Variants in THBS3 observed in about 807,000 individuals in gnomAD.
The protein encoded by THBS3 is thrombospondin-3.
In THBS3, 78 loss-of-function variants were observed where a neutral mutation model predicts 118.3. That is an observed-to-expected ratio of 0.66 (90% confidence interval 0.55 to 0.80). THBS3 has a LOEUF of 0.80. Ranked by LOEUF, THBS3 falls within the 30% of genes least tolerant of loss-of-function variation. THBS3 has a pLI of 0.00. For missense variants in THBS3, 1,057 were observed against 1,247.4 expected (o/e 0.85, Z 2.30); for synonymous variants, 427 against 475.3 (o/e 0.90, Z 1.32).
chr1:155,205,496 G>T (rs1441221473), intron 2 of THBS3, 180 bp from the exon 3 acceptor site: 2 of 871,320 alleles, frequency 2.3e-6, no homozygotes, highest in Non-Finnish European at 1.7e-6. Flanking sequence ...TTGCTTTAGA[G>T]GCCAGGCACG....
At position 155,202,954 on chromosome 1, in the gene THBS3, T is replaced by C. The variant is rs767252490; in HGVS notation, c.815A>G (p.His272Arg). The C allele has an allele frequency of 6.2e-7, 1 of 1,613,822 alleles. No homozygotes were observed. The highest frequency in any genetic ancestry group is 1.3e-5 in the African/African-American group (1 of 74,922). Reference protein sequence around the residue: ...TIMECQVCGFHEQRSHCSPNP... With the variant: ...TIMECQVCGFREQRSHCSPNP... Reference sequence around the variant, plus strand: ...GGGGCTGCAGTGGGAACGCTGCTCATGGAAGCCTGAGGGGTGGACACAGTC... The same window carrying C: ...GGGGCTGCAGTGGGAACGCTGCTCACGGAAGCCTGAGGGGTGGACACAGTC... The change falls in exon 8 of 23, where the codon CAT becomes CGT. Residue 272 changes from histidine (H) to arginine (R), a missense_variant. His to Arg is a conservative substitution (Grantham distance 29). Around this residue, in one of 3 missense-constraint regions of THBS3, gnomAD observed 544 missense variants for 715.6 expected, o/e 0.76. Coordinates refer to ENST00000368378, the MANE Select transcript of THBS3 (RefSeq NM_007112.5). The surrounding 1 kb of genome is among the most constrained non-coding windows in gnomAD (Gnocchi z 5.5).
At chr1:155,196,604 T>G (rs1668717668) in intron 21 of THBS3, among the ~76,000 whole-genome samples, 1 of 152,206 alleles carries the variant, frequency 6.6e-6, no homozygotes, top group African/African-American at 2.4e-5. Context: ...GGGCTACTTG[T>G]TGGAGAGAAA....
intron 16 of THBS3, chr1:155,198,880 G>C (rs998751273): frequency 2.8e-6 from 1 of 356,490 alleles, no homozygotes; most frequent in Non-Finnish European, 5.0e-6. Context: ...AGTACTTTGG[G>C]AGGCCAAGGC....
chr1:155,206,208 A>C lies in THBS3; in HGVS notation c.278T>G (p.Ile93Ser), dbSNP rs756609527. Residue 93 changes from isoleucine (I) to serine (S), a missense_variant, in exon 2 of 23, where the codon ATC (isoleucine) becomes AGC (serine). This residue lies in a region of THBS3 where 206 missense variants were observed against 205.7 expected (regional missense o/e 1.00). Coordinates refer to ENST00000368378, the MANE Select transcript of THBS3 (RefSeq NM_007112.5). This position sits in a 1 kb window ranked among gnomAD's most constrained non-coding sequence, Gnocchi z 4.2. ...AGATGCCCACCAGTCACCTTTGTTG[A>C]TCTTGCCTACAACAGAGGCCTCCAG... Reference protein sequence around the residue: ...RWLEASVVGKINKVLVRYQRE... With the variant: ...RWLEASVVGKSNKVLVRYQRE... The C allele has an allele frequency of 6.2e-7, 1 of 1,613,910 alleles. No homozygotes were observed. Among genetic ancestry groups the C allele is most frequent in the Non-Finnish European group, 8.5e-7 (1 of 1,179,972 alleles).
chr1:155,203,163 C>T (rs1670044234), intron 6 of THBS3, 26 bp from the exon 7 acceptor site: 1 of 1,614,204 alleles, frequency 6.2e-7, no homozygotes, highest in Non-Finnish European at 8.5e-7. Flanking sequence ...GAGGAGTCAG[C>T]ACTTGACATC....
At chr1:155,196,838 C>A (rs1668748298) in intron 21 of THBS3, 8 of 592,576 alleles carry the variant, frequency 1.4e-5, no homozygotes, top group Middle Eastern at 4.5e-4. Flanking sequence ...AACCCAATGC[C>A]CTCATTTTAC....
chr1:155,201,621 C>G (rs778792909), intron 10 of THBS3, 52 bp from the exon 11 acceptor site: 1 of 1,578,900 alleles, frequency 6.3e-7, no homozygotes, highest in Non-Finnish European at 8.6e-7. Context: ...CACCAGGCAC[C>G]CAGGACCAGC....
chr1:155,197,012 C>T lies in THBS3; in HGVS notation c.2672+29G>A. The stretch of plus-strand genomic sequence containing the variant: ...AGGAAGGACAGGCCCGGCCTGAGTC[C>T]CACAGGTGGGCTCAGCCCCTCTCCT... On this transcript the variant is annotated intron_variant, in intron 21 of 22. Coordinates refer to ENST00000368378, the MANE Select transcript of THBS3 (RefSeq NM_007112.5). This position sits in a 1 kb window ranked among gnomAD's most constrained non-coding sequence, Gnocchi z 5.0. 1 of 1,604,626 alleles carries T rather than the reference C, an allele frequency of 6.2e-7. No homozygotes were observed. The highest frequency in any genetic ancestry group is 1.3e-5 in the African/African-American group (1 of 74,904).
chr1:155,209,050 C>T (rs1339886328), upstream of THBS3: 1 of 1,542,192 alleles, frequency 6.5e-7, no homozygotes, highest in South Asian at 1.2e-5. Flanking sequence ...TCTGGATGGG[C>T]CGGCGGCCGC....
rs1292458838 is a variant in THBS3, at chr1:155,199,765, A to G, written c.1880+39T>C. The G allele has an allele frequency of 4.3e-6, 7 of 1,612,574 alleles. No homozygotes were observed. The Admixed American group carries it at 5.0e-5, about 12-fold the overall frequency. On this transcript the variant is annotated intron_variant, in intron 16 of 22. Coordinates refer to ENST00000368378, the MANE Select transcript of THBS3 (RefSeq NM_007112.5). Reference sequence around the variant, plus strand: ...GCAAGACTCCGTCTCAGAAAGACAAAAAAAAGAAAGACCTTGCGTCTCTTG... The same window carrying G: ...GCAAGACTCCGTCTCAGAAAGACAAGAAAAAGAAAGACCTTGCGTCTCTTG...
intron 1 of THBS3, 110 bp downstream of exon 1, chr1:155,207,687 CA>C (rs1670756688): frequency 1.7e-6 from 2 of 1,179,762 alleles, no homozygotes; most frequent in African/African-American, 3.0e-5. Flanking sequence ...TCCTCTGGCT[CA>C]ATTTCTGGAC....
chr1:155,202,860 G>A lies in THBS3; in HGVS notation c.909C>T (p.Cys303=), dbSNP rs1472379673. The A allele has an allele frequency of 6.2e-6, 10 of 1,613,692 alleles. No homozygotes were observed. In the South Asian group the frequency reaches 9.9e-5, roughly 16 times the overall value. The change falls in exon 8 of 23, where the codon TGC becomes TGT. Residue 303 remains cysteine, a synonymous_variant. Coordinates refer to ENST00000368378, the MANE Select transcript of THBS3 (RefSeq NM_007112.5). The surrounding 1 kb of genome is among the most constrained non-coding windows in gnomAD (Gnocchi z 5.5). ...TGCCGTTGCCCTGCAGGCCAGGGGG[G>A]CAGGGCCCACAGCGGTAGCCTGGGT... ...YEYPGYRCGP[C]PPGLQGNGTH...
At chr1:155,196,327 C>T in intron 21 of THBS3, 5 of 602,324 alleles carry the variant, frequency 8.3e-6, no homozygotes, top group Non-Finnish European at 1.4e-5. Flanking sequence ...GCTCTTTGTC[C>T]AGCTCCTTTT....
At chr1:155,207,664 C>T in intron 1 of THBS3, 134 bp downstream of exon 1, 1 of 883,872 alleles carries the variant, frequency 1.1e-6, no homozygotes, top group East Asian at 2.6e-5. Context: ...CAACTCTAGG[C>T]AGTCTTAAGT....
chr1:155,197,198 A>T lies in THBS3; in HGVS notation c.2515T>A (p.Ser839Thr). 1.2e-6 allele frequency: 2 copies of T among 1,614,110 alleles called. No homozygotes were observed. Among genetic ancestry groups the T allele is most frequent in the Non-Finnish European group, 1.7e-6 (2 of 1,179,964 alleles). ...GLQLKAVTSV[S>T]GPGEHLRNAL... The stretch of plus-strand genomic sequence containing the variant: ...TTTCGGAGGTGCTCACCTGGGCCAG[A>T]CACTGATGTCACTGCCTAGGAGACA... Residue 839 changes from serine (S) to threonine (T), a missense_variant, in exon 21 of 23, where the codon TCT becomes ACT. This residue lies in a region of THBS3 where 307 missense variants were observed against 326.1 expected (regional missense o/e 0.94). Coordinates refer to ENST00000368378, the MANE Select transcript of THBS3 (RefSeq NM_007112.5). The surrounding 1 kb of genome is among the most constrained non-coding windows in gnomAD (Gnocchi z 5.0).
At chr1:155,196,678 T>C (rs1297546729) in intron 21 of THBS3, among the ~76,000 whole-genome samples, 1 of 152,242 alleles carries the variant, frequency 6.6e-6, no homozygotes, top group Non-Finnish European at 1.5e-5. Flanking sequence ...TTTTCTCTTC[T>C]GTAAATGATG....
chr1:155,197,909 G>T lies in THBS3; in HGVS notation c.2273C>A (p.Thr758Asn), dbSNP rs754650696. 6.2e-7 allele frequency: 1 copy of T among 1,613,956 alleles called. No homozygotes were observed. The highest frequency in any genetic ancestry group is 8.5e-7 in the Non-Finnish European group (1 of 1,180,010). ...VLNQGMEIVQTMNSDPGLAVG... is the reference protein window; with the variant it reads ...VLNQGMEIVQNMNSDPGLAVG... ...TGCCAAGCCAGGGTCACTGTTCATG[G>T]TCTGAACGATTTCCATGCCCTGGGG... Residue 758 changes from threonine to asparagine, a missense_variant, in exon 19 of 23, where the codon ACC (threonine) becomes AAC (asparagine). Thr to Asn is a moderately conservative substitution (Grantham distance 65). Coordinates refer to ENST00000368378, the MANE Select transcript of THBS3 (RefSeq NM_007112.5). This position sits in a 1 kb window ranked among gnomAD's most constrained non-coding sequence, Gnocchi z 5.0.
rs766879895 is a variant in THBS3 at position 155,204,857 on chromosome 1, G to A, written c.644C>T (p.Ala215Val). The change falls in exon 4 of 23, where the codon GCA becomes GTA. Residue 215 changes from alanine (A) to valine (V), a missense_variant and splice_region_variant. This residue lies in a region of THBS3 where 544 missense variants were observed against 715.6 expected (regional missense o/e 0.76). Transcript: ENST00000368378. ...PFQGDESIHS[A>V]VTNALHSILG... ...CAGCAAACAAGTCTCTGTGTTACCT[G>A]CACTGTGGATGGACTCGTCCCCTTG... The A allele has an allele frequency of 1.9e-6, 3 of 1,613,750 alleles. No homozygotes were observed. The South Asian group carries it at 3.3e-5, about 18-fold the overall frequency.
chr1:155,196,990 A>T (rs776230540), intron 21 of THBS3, 51 bp downstream of exon 21: 8 of 1,573,674 alleles, frequency 5.1e-6, no homozygotes. Flanking sequence ...GCTAAAGAGG[A>T]AGGACAGGCC....
Sources: allele counts gnomAD v4.1 joint callset (sites outside exome capture counted in the v4.1 genomes callset), GRCh38; gene constraint gnomAD v4.1.1; regional missense constraint gnomAD v4.1.1; non-coding constraint Gnocchi (gnomAD v3.1); transcripts MANE v1.5; gene names NCBI Gene and HGNC (gene_info 2026-07-23, HGNC 2026-07-21).